Variants in GKAP1 observed in about 807,000 individuals in gnomAD.
The protein encoded by GKAP1 is G kinase anchoring protein 1, also known as G kinase-anchoring protein 1.
GKAP1 carries 31 observed loss-of-function variants against 56.7 expected under a neutral mutation model. That is an observed-to-expected ratio of 0.55 (90% CI 0.41 to 0.74). The LOEUF is 0.74. GKAP1 is among the 30% of genes least tolerant of loss of function. GKAP1 has a pLI of 0.00. For missense variants in GKAP1, 364 were observed against 402.3 expected, an observed-to-expected ratio of 0.90 and a Z score of 0.82; for synonymous variants, 151 against 138.6, an observed-to-expected ratio of 1.09 and a Z score of -0.63.
intron 4 of GKAP1, among the ~76,000 whole-genome samples, chr9:83,793,240 T>C (rs1267874117): frequency 1.3e-5 from 2 of 152,162 alleles, no homozygotes; most frequent in African/African-American, 4.8e-5. Flanking sequence ...ATAGGCAACA[T>C]GGAAATATAG....
intron 8 of GKAP1, among the ~76,000 whole-genome samples, chr9:83,758,871 C>T (rs1943521581): frequency 6.6e-6 from 1 of 152,064 alleles, no homozygotes; most frequent in South Asian, 2.1e-4. Flanking sequence ...GAAGAGCTTT[C>T]TTTCTCTGAG....
intron 10 of GKAP1, among the ~76,000 whole-genome samples, chr9:83,743,870 T>C (rs182158942): frequency 6.6e-6 from 1 of 152,276 alleles, no homozygotes; most frequent in East Asian, 1.9e-4. Context: ...AATTTTCACA[T>C]GGCTGAGAAC....
intron 2 of GKAP1, 62 bp from the exon 3 acceptor site, chr9:83,806,622 T>C: frequency 1.1e-6 from 1 of 920,150 alleles, no homozygotes; most frequent in South Asian, 1.7e-5. Context: ...TGTTGTAGAT[T>C]CTAAAACAAC....
At chr9:83,796,471 C>CT (rs1554745389) in intron 4 of GKAP1, among the ~76,000 whole-genome samples, 6 of 151,866 alleles carry the variant, frequency 4.0e-5, no homozygotes, top group African/African-American at 1.5e-4. Flanking sequence ...ACCCATCTCA[C>CT]TTTTTTTTGT....
intron 4 of GKAP1, among the ~76,000 whole-genome samples, chr9:83,796,619 C>T (rs1298343179): frequency 6.6e-6 from 1 of 152,104 alleles, no homozygotes; most frequent in Non-Finnish European, 1.5e-5. Context: ...AGGCATGCAC[C>T]ATCACGCCTG....
At chr9:83,766,097 A>G (rs952956638) in intron 8 of GKAP1, among the ~76,000 whole-genome samples, 4 of 152,154 alleles carry the variant, frequency 2.6e-5, no homozygotes, top group African/African-American at 9.7e-5. Flanking sequence ...TAATTGAATT[A>G]TGGGGGTGGC....
intron 8 of GKAP1, among the ~76,000 whole-genome samples, chr9:83,762,562 A>T (rs1013410959): frequency 6.6e-6 from 1 of 152,206 alleles, no homozygotes; most frequent in African/African-American, 2.4e-5. Context: ...CCTAAAATAT[A>T]TATGAAACCA....
At chr9:83,792,571 G>T (rs549405019) in intron 4 of GKAP1, among the ~76,000 whole-genome samples, 1 of 152,158 alleles carries the variant, frequency 6.6e-6, no homozygotes, top group East Asian at 1.9e-4. Context: ...CAAAGATAAG[G>T]TTTTTGACCT....
chr9:83,739,850 G>A (rs1481399021), intron 12 of GKAP1, 106 bp from the exon 13 acceptor site: 4 of 784,358 alleles, frequency 5.1e-6, no homozygotes, highest in Non-Finnish European at 8.1e-6. Context: ...TGAGAAGGAA[G>A]CAATTTCTTT....
intron 3 of GKAP1, among the ~76,000 whole-genome samples, chr9:83,801,116 C>G (rs913671555): frequency 6.6e-6 from 1 of 151,894 alleles, no homozygotes; most frequent in Non-Finnish European, 1.5e-5. Context: ...TAGGTTGGGC[C>G]CTAATCCAAT....
chr9:83,802,268 C>T (rs1420110512), intron 3 of GKAP1, among the ~76,000 whole-genome samples: 1 of 151,882 alleles, frequency 6.6e-6, no homozygotes, highest in Non-Finnish European at 1.5e-5. Context: ...ATCACGAGGT[C>T]AGGAGTTCCA....
intron 8 of GKAP1, among the ~76,000 whole-genome samples, chr9:83,753,595 AG>A (rs2131242952): frequency 6.6e-6 from 1 of 152,336 alleles, no homozygotes; most frequent in East Asian, 1.9e-4. Context: ...GGGCTTTCAA[AG>A]GATATTTCTA....
chr9:83,797,148 C>T (rs996331789), intron 4 of GKAP1, among the ~76,000 whole-genome samples: 2 of 152,180 alleles, frequency 1.3e-5, no homozygotes, highest in Non-Finnish European at 2.9e-5. Context: ...AGATTGTATG[C>T]TAAGGCTTAG....
intron 8 of GKAP1, among the ~76,000 whole-genome samples, chr9:83,762,282 A>G (rs1943586598): frequency 6.6e-6 from 1 of 152,156 alleles, no homozygotes; most frequent in Non-Finnish European, 1.5e-5. Flanking sequence ...AAAAAAATCA[A>G]CAAAAGTAAT....
intron 2 of GKAP1, among the ~76,000 whole-genome samples, chr9:83,814,820 T>C (rs1402784577): frequency 1.3e-5 from 2 of 152,238 alleles, no homozygotes; most frequent in African/African-American, 4.8e-5. Flanking sequence ...GTAAGTACTA[T>C]TCTAACAAAC....
At chr9:83,795,813 TAAAGTGCTGGGATTACAGG>T (rs2131307823) in intron 4 of GKAP1, among the ~76,000 whole-genome samples, 1 of 152,060 alleles carries the variant, frequency 6.6e-6, no homozygotes, top group South Asian at 2.1e-4. Context: ...CTTGGCCTCC[TAAAGTGCTGGGATTACAGG>T]AATGACCTGC....
rs1943173911 is a variant in GKAP1, at chr9:83,739,692, T to C, written c.*5A>G. On this transcript the variant is annotated 3_prime_UTR_variant, in exon 13 of 13. Coordinates refer to ENST00000376371, the MANE Select transcript of GKAP1 (RefSeq NM_025211.4). ...ACTTTGTGTTGACTTCAAAGGCTAA[T>C]GTAATCACCTACACTGGTCGGATTC... The C allele has an allele frequency of 2.5e-6, 4 of 1,602,582 alleles. No individual in the cohort carries two copies. Among genetic ancestry groups the C allele is most frequent in the Non-Finnish European group, 3.4e-6 (4 of 1,175,386 alleles).
chr9:83,799,211 G>C lies in GKAP1; in HGVS notation c.334C>G (p.Gln112Glu), dbSNP rs2131311824. The C allele has an allele frequency of 6.2e-7, 1 of 1,613,118 alleles. No individual in the cohort carries two copies. ...TGCTCATCTCTTTGTCTCCACTCTT[G>C]CCAATTTTCTTCTCGTGAATCCTTC... ...VQKDSREENW[Q>E]EWRQRDEQLT... The change falls in exon 4 of 13, where the codon CAA (glutamine) becomes GAA (glutamate). Residue 112 changes from glutamine to glutamate, a missense_variant. By Grantham distance (29) the Gln-to-Glu change is conservative. Transcript: ENST00000376371.
chr9:83,802,414 G>A (rs1944345575), intron 3 of GKAP1, among the ~76,000 whole-genome samples: 1 of 151,210 alleles, frequency 6.6e-6, no homozygotes, highest in Non-Finnish European at 1.5e-5. Context: ...GGGAAGCAGA[G>A]GAGGTTGCAG....
Sources: gnomAD v4.1 joint callset for allele counts (sites outside exome capture counted in the v4.1 genomes callset) on GRCh38, gnomAD v4.1.1 for gene constraint, MANE v1.5 for transcripts, NCBI Gene and HGNC (gene_info 2026-07-23, HGNC 2026-07-21) for gene names.